The following POT1 variants were observed in gnomAD, a reference collection of about 807,000 sequenced individuals.
POT1 encodes the protein protection of telomeres protein 1.
A neutral mutation model predicts 78.5 loss-of-function variants in POT1; 47 were observed. That is an observed-to-expected ratio of 0.60 (90% confidence interval 0.47 to 0.76). The LOEUF (loss-of-function observed/expected upper bound fraction) is 0.76, where lower values mean the gene tolerates loss of function less well. POT1 is among the 30% of genes least tolerant of loss of function. POT1 has a pLI of 0.00. For synonymous variants in POT1, 259 were observed against 260.7 expected, an observed-to-expected ratio of 0.99 and a Z score of 0.06; for missense variants, 646 against 749.9, an observed-to-expected ratio of 0.86 and a Z score of 1.62.
At chr7:124,893,719 A>C (rs1796427699) in intron 5 of POT1, among the ~76,000 whole-genome samples, 1 of 151,620 alleles carries the variant, frequency 6.6e-6, no homozygotes, top group African/African-American at 2.4e-5. Flanking sequence ...TGAAGAAATA[A>C]CTATGCTTGC....
intron 5 of POT1, among the ~76,000 whole-genome samples, chr7:124,895,220 T>C (rs1283184613): frequency 6.6e-6 from 1 of 151,626 alleles, no homozygotes; most frequent in Non-Finnish European, 1.5e-5. Flanking sequence ...AGCTAGTTGC[T>C]CATTATCGCA....
intron 6 of POT1, among the ~76,000 whole-genome samples, chr7:124,882,787 C>T (rs567331725): frequency 6.6e-6 from 1 of 151,966 alleles, no homozygotes; most frequent in Admixed American, 6.6e-5. Context: ...AATTAGTATG[C>T]TAATAATTTG....
At chr7:124,886,747 A>C (rs1185242404) in intron 6 of POT1, among the ~76,000 whole-genome samples, 1 of 152,156 alleles carries the variant, frequency 6.6e-6, no homozygotes, top group Non-Finnish European at 1.5e-5. Flanking sequence ...TGAAAATATA[A>C]TACATATTCT....
chr7:124,827,348 C>A, intron 16 of POT1, 43 bp from the exon 17 acceptor site: 2 of 1,141,364 alleles, frequency 1.8e-6, no homozygotes, highest in Non-Finnish European at 2.5e-6. Flanking sequence ...GTCTGCTATT[C>A]CTTATTATCA....
At chr7:124,857,641 C>T (rs1795478930) in intron 9 of POT1, among the ~76,000 whole-genome samples, 1 of 152,168 alleles carries the variant, frequency 6.6e-6, no homozygotes, top group South Asian at 2.1e-4. Flanking sequence ...AAGAATCTGG[C>T]CAGAGAGGGC....
At chr7:124,848,934 A>G (rs1428478099) in intron 11 of POT1, among the ~76,000 whole-genome samples, 1 of 152,198 alleles carries the variant, frequency 6.6e-6, no homozygotes, top group African/African-American at 2.4e-5. Flanking sequence ...CTAACAAGAA[A>G]GCAAAAGTAG....
intron 3 of POT1, among the ~76,000 whole-genome samples, chr7:124,905,356 A>T (rs1584517740): frequency 6.6e-6 from 1 of 152,196 alleles, no homozygotes; most frequent in African/African-American, 2.4e-5. Context: ...TCTTTGACAA[A>T]CCTGACAATA....
At chr7:124,854,855 A>C (rs1435540287) in intron 9 of POT1, among the ~76,000 whole-genome samples, 1 of 151,894 alleles carries the variant, frequency 6.6e-6, no homozygotes, top group Non-Finnish European at 1.5e-5. Flanking sequence ...TTCTTTTAAA[A>C]TATGTGTGTG....
chr7:124,858,828 T>C, intron 9 of POT1, 129 bp downstream of exon 9: 1 of 542,372 alleles, frequency 1.8e-6, no homozygotes, highest in Non-Finnish European at 2.9e-6. Flanking sequence ...AACTTAAAAA[T>C]CAAAGAAATA....
rs1796999129 is a variant in POT1, at chr7:124,915,664, A to T, written c.-226-18T>A. 9 of 152,276 alleles carry T rather than the reference A, an allele frequency of 5.9e-5. 1 individual carries two copies. The highest frequency in any genetic ancestry group is 3.4e-3 in the Middle Eastern group (1 of 294). 9.4% of individuals were successfully genotyped at this position (152,276 alleles called of 1,614,324 possible). The stretch of plus-strand genomic sequence containing the variant: ...AGTTTTCCCTGAAATGAGAAAAAAA[A>T]ATAGTTACAAAGAGGAGTCAAAGGA... On this transcript the variant is annotated intron_variant, in intron 2 of 18. Coordinates refer to ENST00000357628, the MANE Select transcript of POT1 (RefSeq NM_015450.3).
chr7:124,824,057 C>A lies in POT1; in HGVS notation c.1810G>T (p.Glu604Ter). 1 of 1,600,990 alleles carries A rather than the reference C, an allele frequency of 6.2e-7. No individual in the cohort carries two copies. Among genetic ancestry groups the A allele is most frequent in the Non-Finnish European group, 8.5e-7 (1 of 1,171,384 alleles). Residue 604 changes from glutamate to a stop codon, truncating the protein, a stop_gained, in exon 19 of 19, where the codon GAA (glutamate) becomes TAA (stop). Transcript: ENST00000357628. LOFTEE classifies it high-confidence loss of function. ...GIKIDAYPWLECFIKSYNVTN... is the reference protein window; with the variant it reads ...GIKIDAYPWL The stretch of plus-strand genomic sequence containing the variant: ...ACATTGTATGACTTGATGAAGCATT[C>A]CAACCACGGATATGCATCTACAAAA...
chr7:124,839,811 A>G (rs1178399468), intron 14 of POT1, among the ~76,000 whole-genome samples: 1 of 152,098 alleles, frequency 6.6e-6, no homozygotes, highest in Non-Finnish European at 1.5e-5. Context: ...TGGTAAATTT[A>G]GTCAATCAAG....
At chr7:124,861,468 T>A (rs915965220) in intron 8 of POT1, among the ~76,000 whole-genome samples, 2 of 152,200 alleles carry the variant, frequency 1.3e-5, no homozygotes, top group African/African-American at 4.8e-5. Flanking sequence ...TCTTGTAAAT[T>A]AGTTTAAGTT....
intron 6 of POT1, among the ~76,000 whole-genome samples, chr7:124,880,162 A>T (rs958763413): frequency 6.0e-5 from 9 of 150,996 alleles, no homozygotes; most frequent in Non-Finnish European, 7.4e-5. Context: ...GTTTGCCAAT[A>T]AAAAAAAACA....
intron 17 of POT1, among the ~76,000 whole-genome samples, chr7:124,825,985 C>G (rs1449179155): frequency 6.6e-6 from 1 of 152,134 alleles, no homozygotes; most frequent in Non-Finnish European, 1.5e-5. Flanking sequence ...GGAACGTAAT[C>G]TCTAAGCCCT....
At chr7:124,882,697 A>AT (rs1397339180) in intron 6 of POT1, among the ~76,000 whole-genome samples, 6 of 90,302 alleles carry the variant, frequency 6.6e-5, no homozygotes, top group African/African-American at 2.5e-4. Context: ...AGTTTTAAGA[A>AT]TTAAAAAAAC....
chr7:124,900,743 C>T, intron 3 of POT1: 1 of 257,744 alleles, frequency 3.9e-6, no homozygotes, highest in Non-Finnish European at 8.6e-6. Flanking sequence ...AATTCCCTTT[C>T]CTAGCCAAGG....
chr7:124,926,440 C>T (rs546585715), intron 2 of POT1, among the ~76,000 whole-genome samples: 25 of 152,116 alleles, frequency 1.6e-4, no homozygotes, highest in African/African-American at 6.0e-4. Flanking sequence ...AAAAAACAGA[C>T]ATTGGGGTGC....
intron 13 of POT1, 23 bp downstream of exon 13, chr7:124,842,784 G>A: frequency 1.9e-6 from 3 of 1,569,214 alleles, no homozygotes; most frequent in Non-Finnish European, 2.6e-6. Flanking sequence ...GAAAACGTTT[G>A]TTTTATTATG....
Sources: allele counts gnomAD v4.1 joint callset (sites outside exome capture counted in the v4.1 genomes callset), GRCh38; gene constraint gnomAD v4.1.1; transcripts MANE v1.5; gene names NCBI Gene and HGNC (gene_info 2026-07-23, HGNC 2026-07-21).